The following PCNX2 variants were observed in gnomAD, a reference collection of about 807,000 sequenced individuals.
PCNX2 encodes pecanex 2.
PCNX2 carries 168 observed loss-of-function variants against 223.8 expected under a neutral mutation model. The observed-to-expected ratio is 0.75, with a 90% CI of 0.66 to 0.85. PCNX2 has a LOEUF of 0.85. Ranked by LOEUF, PCNX2 falls within the 40% of genes least tolerant of loss-of-function variation. PCNX2 has a pLI of 0.00. For synonymous variants in PCNX2, 1,006 were observed against 1,052.6 expected, an observed-to-expected ratio of 0.96 and a Z score of 0.86; for missense variants, 2,507 against 2,675.5, an observed-to-expected ratio of 0.94 and a Z score of 1.39.
At position 233,042,179 on chromosome 1, in the gene PCNX2, TC is replaced by T. The variant is rs1398024471; in HGVS notation, c.4351+12088del. 2.6e-5 allele frequency among the ~76,000 whole-genome samples: 4 copies of T among 152,184 alleles called. No homozygotes were observed. In the East Asian group the frequency reaches 7.7e-4, roughly 29 times the overall value. On this transcript the variant is annotated intron_variant, in intron 25 of 33. Transcript: ENST00000258229. The stretch of plus-strand genomic sequence containing the variant: ...TATATTTCCCTACGCCCTTCATTCT[TC>T]CCCATTCCATCTCTGTAACATCTGC...
intron 12 of PCNX2, among the ~76,000 whole-genome samples, chr1:233,209,469 A>G (rs536817232): frequency 2.3e-4 from 35 of 151,776 alleles, no homozygotes; most frequent in African/African-American, 8.3e-4. Flanking sequence ...ATTCAGGGGG[A>G]AAAAAACAAT....
intron 23 of PCNX2, among the ~76,000 whole-genome samples, chr1:233,084,153 G>A (rs561927561): frequency 6.6e-5 from 10 of 152,266 alleles, no homozygotes; most frequent in African/African-American, 1.7e-4. Flanking sequence ...ACAAAGTAAC[G>A]TCCCAAACAC....
At chr1:233,140,554 A>G (rs1677044180) in intron 19 of PCNX2, among the ~76,000 whole-genome samples, 1 of 152,180 alleles carries the variant, frequency 6.6e-6, no homozygotes, top group Non-Finnish European at 1.5e-5. Context: ...TGTCCTGCCC[A>G]TCCTCTGAGT....
rs532848438 is a variant in PCNX2 at position 233,121,086 on chromosome 1, C to T, written c.3837+13927G>A. Among the ~76,000 whole-genome samples the T allele has an allele frequency of 2.0e-5, 3 of 151,092 alleles. No homozygotes were observed. In the South Asian group the frequency reaches 6.3e-4, roughly 31 times the overall value. ...AAAAAATACACCCTCCACGATAGCA[C>T]CAAATAAGACAAAATATGTGTGTAT... On this transcript the variant is annotated intron_variant, in intron 21 of 33. Transcript: ENST00000258229.
chr1:233,008,073 G>A (rs1055851313), intron 28 of PCNX2, among the ~76,000 whole-genome samples: 2 of 152,180 alleles, frequency 1.3e-5, no homozygotes, highest in African/African-American at 4.8e-5. Context: ...AGCACTGTGA[G>A]TATAATTCTT....
chr1:233,241,627 G>A (rs1658771680), intron 8 of PCNX2, among the ~76,000 whole-genome samples: 1 of 152,100 alleles, frequency 6.6e-6, no homozygotes. Flanking sequence ...ACCCACACAA[G>A]TTTTTCAAAT....
At chr1:233,124,390 A>G (rs1384278215) in intron 21 of PCNX2, among the ~76,000 whole-genome samples, 1 of 152,250 alleles carries the variant, frequency 6.6e-6, no homozygotes, top group Non-Finnish European at 1.5e-5. Context: ...TGACAAGTCC[A>G]TTCTTCAGCG....
At chr1:233,034,137 G>A (rs1054170030) in intron 25 of PCNX2, among the ~76,000 whole-genome samples, 1 of 152,262 alleles carries the variant, frequency 6.6e-6, no homozygotes, top group Non-Finnish European at 1.5e-5. Context: ...GCTTGAACCC[G>A]GGAGGCGGAG....
intron 25 of PCNX2, among the ~76,000 whole-genome samples, chr1:233,035,122 A>T (rs535982140): frequency 6.6e-6 from 1 of 152,200 alleles, no homozygotes. Context: ...GACGTTAAAC[A>T]TGGTCCCCTG....
the PCNX2 span, among the ~76,000 whole-genome samples, chr1:233,322,878 T>G: frequency 3.9e-5 from 6 of 152,080 alleles, no homozygotes; most frequent in Non-Finnish European, 7.4e-5. Flanking sequence ...TCCTCTACCC[T>G]TCTTCGTCTT....
intron 9 of PCNX2, among the ~76,000 whole-genome samples, chr1:233,234,436 G>A (rs1658265435): frequency 6.6e-6 from 1 of 152,096 alleles, no homozygotes; most frequent in South Asian, 2.1e-4. Context: ...AAGTTTAAAT[G>A]GTTGAAGCAA....
chr1:233,187,834 G>A (rs571331469), intron 15 of PCNX2, among the ~76,000 whole-genome samples: 1 of 152,214 alleles, frequency 6.6e-6, no homozygotes, highest in African/African-American at 2.4e-5. Context: ...ACAGCCAAAA[G>A]ACTTATTATT....
At chr1:233,161,625 C>T (rs1293547361) in intron 17 of PCNX2, among the ~76,000 whole-genome samples, 1 of 152,000 alleles carries the variant, frequency 6.6e-6, no homozygotes, top group East Asian at 1.9e-4. Context: ...TGGGTGCTAA[C>T]CATAGAAAGA....
In PCNX2 at chr1:233,177,811, T is replaced by G; in HGVS notation, c.3264A>C (p.Lys1088Asn). The change falls in exon 17 of 34, where the codon AAA (lysine) becomes AAC (asparagine). Residue 1088 changes from lysine to asparagine, a missense_variant. Physicochemically the swap from Lys to Asn is moderately conservative, Grantham distance 94 (BLOSUM62 0). Transcript: ENST00000258229. Reference sequence around the variant, plus strand: ...AACGCAAATGTCTCACCACTGAATCTTTCATCTTCTTGGGGAGAGGGTCAG... The same window carrying G: ...AACGCAAATGTCTCACCACTGAATCGTTCATCTTCTTGGGGAGAGGGTCAG... ...SAADPLPKKM[K>N]DSVTDVLKWD... 6.2e-7 allele frequency: 1 copy of G among 1,613,060 alleles called. No homozygotes were observed. Among genetic ancestry groups the G allele is most frequent in the Non-Finnish European group, 8.5e-7 (1 of 1,179,076 alleles).
In PCNX2 at chr1:233,093,203, CT is replaced by C. The variant is rs1558223691; in HGVS notation, c.3946+2551del. Among the ~76,000 whole-genome samples the C allele has an allele frequency of 2.0e-5, 3 of 152,218 alleles. No individual in the cohort carries two copies. In the South Asian group the frequency reaches 6.2e-4, roughly 31 times the overall value. On this transcript the variant is annotated intron_variant, in intron 22 of 33. Transcript: ENST00000258229. ...AATCTCCGGGTTTACTATAGAGAAT[CT>C]GGCTAAGTATTTCTAATTATTAGAA...
At chr1:233,190,458 G>C (rs545162882) in intron 15 of PCNX2, among the ~76,000 whole-genome samples, 6 of 152,166 alleles carry the variant, frequency 3.9e-5, no homozygotes, top group Non-Finnish European at 7.3e-5. Context: ...AACTCAGGAC[G>C]TACAAAGGAG....
intron 25 of PCNX2, among the ~76,000 whole-genome samples, chr1:233,030,558 G>A (rs1265088476): frequency 1.3e-5 from 2 of 152,152 alleles, no homozygotes; most frequent in Admixed American, 1.3e-4. Flanking sequence ...GTTCTGTCAG[G>A]AAGTTAATTT....
chr1:233,151,193 G>T (rs531964324), intron 19 of PCNX2, among the ~76,000 whole-genome samples: 1 of 152,146 alleles, frequency 6.6e-6, no homozygotes, highest in Non-Finnish European at 1.5e-5. Flanking sequence ...TAAATTACAA[G>T]GTTACTTAAA....
At chr1:233,315,268 G>GA in the PCNX2 span, among the ~76,000 whole-genome samples, 491 of 152,200 alleles carry the variant, frequency 3.2e-3, 3 homozygotes, top group African/African-American at 0.011. Flanking sequence ...AAATACTGCA[G>GA]AAAAAACAGA....
Sources: allele counts gnomAD v4.1 joint callset (sites outside exome capture counted in the v4.1 genomes callset), GRCh38; gene constraint gnomAD v4.1.1; transcripts MANE v1.5; gene names NCBI Gene and HGNC (gene_info 2026-07-23, HGNC 2026-07-21).